Variants in ZNF48 observed in about 807,000 individuals in gnomAD.
The protein encoded by ZNF48 is zinc finger protein 553.
ZNF48 carries 20 observed loss-of-function variants against 40.0 expected under a neutral mutation model. The ratio of observed to expected loss-of-function variants is 0.50; its 90% CI spans 0.35 to 0.73. ZNF48 has a LOEUF of 0.73. ZNF48 is among the 30% of genes least tolerant of loss of function. The probability of loss-of-function intolerance (pLI) is 0.01; values close to 1 mark genes in which losing one functional copy is unlikely to be tolerated. For synonymous variants in ZNF48, 298 were observed against 329.7 expected (o/e 0.90, Z 1.04); for missense variants, 726 against 851.9 (o/e 0.85, Z 1.84).
intron 1 of ZNF48, among the ~76,000 whole-genome samples, chr16:30,384,085 C>A (rs1481241523): frequency 1.3e-5 from 2 of 151,988 alleles, no homozygotes; most frequent in Non-Finnish European, 2.9e-5. Context: ...CATGGTGGTG[C>A]GTACCTATAA....
rs370030561 is a variant in ZNF48 at position 30,381,919 on chromosome 16, G to A, written c.-16+3509G>A. The A allele has an allele frequency of 3.7e-6, 6 of 1,612,596 alleles. No individual in the cohort carries two copies. The highest frequency in any genetic ancestry group is 5.1e-6 in the Non-Finnish European group (6 of 1,179,298). ...GGGGAGAGGTCAGGGATCCGGGGAG[G>A]CTCTGAGGCAGAATTAATTTCCTTT... On this transcript the variant is annotated intron_variant, in intron 1 of 2. Transcript: ENST00000528032. The surrounding 1 kb of genome is among the most constrained non-coding windows in gnomAD (Gnocchi z 4.3).
chr16:30,392,527 C>G (rs773996178), upstream of ZNF48, among the ~76,000 whole-genome samples: 5 of 152,172 alleles, frequency 3.3e-5, no homozygotes, highest in Non-Finnish European at 5.9e-5. Flanking sequence ...ATTCAGCCCC[C>G]ACTCCAGGCA....
Position 30,395,921 on chromosome 16 carries a change from G to A in ZNF48, c.79+48G>A, listed in dbSNP as rs1194131130. On this transcript the variant is annotated intron_variant, in intron 2 of 2. Coordinates refer to ENST00000613509, the MANE Select transcript of ZNF48 (RefSeq NM_001214909.2). This position sits in a 1 kb window ranked among gnomAD's most constrained non-coding sequence, Gnocchi z 5.9. ...GCCACGGACAGGTAACGGCCGGTGG[G>A]GACTGCGATGCTTGGCTGTGGCCGG... is the stretch of plus-strand genomic sequence containing the variant. 1 of 1,452,478 alleles carries A rather than the reference G, an allele frequency of 6.9e-7. No individual in the cohort carries two copies. Among genetic ancestry groups the A allele is most frequent in the Non-Finnish European group, 9.2e-7 (1 of 1,092,588 alleles). The allele number at this position is 1,452,478 out of a possible 1,614,324, so 90.0% of individuals were successfully genotyped here. A position where few individuals can be genotyped will look rare whatever the true frequency, so the allele number is the denominator to read the frequency against.
intron 2 of ZNF48, chr16:30,396,084 C>G: frequency 2.2e-6 from 1 of 455,600 alleles, no homozygotes; most frequent in Non-Finnish European, 3.9e-6. Flanking sequence ...CTTCCTCATC[C>G]TTACTGCCTC....
Position 30,381,167 on chromosome 16 carries a change from TC to T in ZNF48, c.-16+2759del, listed in dbSNP as rs1567425118. The T allele has an allele frequency of 1.2e-6, 2 of 1,613,954 alleles. No homozygotes were observed. Among genetic ancestry groups the T allele is most frequent in the Non-Finnish European group, 1.7e-6 (2 of 1,180,006 alleles). ...CTGGGTTTCCTGGGGCATCAGAGCA[TC>T]CGCTTTGCCAATGACTGGGATGATG... On this transcript the variant is annotated intron_variant, in intron 1 of 2. Coordinates refer to the ZNF48 transcript ENST00000528032. The surrounding 1 kb of genome is among the most constrained non-coding windows in gnomAD (Gnocchi z 4.3).
chr16:30,385,968 A>T (rs768420146), intron 1 of ZNF48, among the ~76,000 whole-genome samples: 6 of 152,152 alleles, frequency 3.9e-5, no homozygotes, highest in Non-Finnish European at 8.8e-5. Flanking sequence ...TGTATTAAAA[A>T]AATAAATAAA....
At position 30,395,878 on chromosome 16, in the gene ZNF48, G is replaced by A; in HGVS notation, c.79+5G>A. On this transcript the variant is annotated splice_donor_5th_base_variant and intron_variant, in intron 2 of 2. Transcript: ENST00000613509. The surrounding 1 kb of genome is among the most constrained non-coding windows in gnomAD (Gnocchi z 5.9). The stretch of plus-strand genomic sequence containing the variant: ...CACAGAGAGGCGCCCGCACAGGTGA[G>A]GGCCTCGGCCGTGCGCCGCCACGGA... The A allele has an allele frequency of 6.5e-7, 1 of 1,527,942 alleles. No individual in the cohort carries two copies. Among genetic ancestry groups the A allele is most frequent in the Non-Finnish European group, 8.8e-7 (1 of 1,140,332 alleles). 94.6% of individuals were successfully genotyped at this position (1,527,942 alleles called of 1,614,324 possible). A position where few individuals can be genotyped will look rare whatever the true frequency, so the allele number is the denominator to read the frequency against.
intron 1 of ZNF48, among the ~76,000 whole-genome samples, chr16:30,389,830 T>G (rs934987622): frequency 3.7e-5 from 4 of 107,684 alleles, no homozygotes; most frequent in African/African-American, 9.3e-5. Flanking sequence ...TTTTTTTTTT[T>G]TTTTTTTTTT....
In ZNF48 at chr16:30,395,984, G is replaced by A; in HGVS notation, c.79+111G>A. 8.9e-7 allele frequency: 1 copy of A among 1,125,864 alleles called. No homozygotes were observed. The highest frequency in any genetic ancestry group is 1.2e-6 in the Non-Finnish European group (1 of 849,466). The allele number at this position is 1,125,864 out of a possible 1,614,324, so 69.7% of individuals were successfully genotyped here. A position where few individuals can be genotyped will look rare whatever the true frequency, so the allele number is the denominator to read the frequency against. ...AAGATCGGACGTGAGCTGTGCCTCT[G>A]GGGAGATAGGGGGAGGGGAGCTTTC... is the stretch of plus-strand genomic sequence containing the variant. On this transcript the variant is annotated intron_variant, in intron 2 of 2. Coordinates refer to ENST00000613509, the MANE Select transcript of ZNF48 (RefSeq NM_001214909.2). This position sits in a 1 kb window ranked among gnomAD's most constrained non-coding sequence, Gnocchi z 5.9.
intron 1 of ZNF48, among the ~76,000 whole-genome samples, chr16:30,388,648 G>A (rs1272145916): frequency 2.6e-5 from 4 of 152,100 alleles, no homozygotes; most frequent in Non-Finnish European, 4.4e-5. Context: ...CAGCACTTTG[G>A]GAGATCAACG....
intron 1 of ZNF48, chr16:30,378,671 A>G (rs1395632305): frequency 1.2e-6 from 2 of 1,609,092 alleles, no homozygotes; most frequent in Non-Finnish European, 1.7e-6. Flanking sequence ...GGGCAGCGGG[A>G]TCTCTGTGGC....
chr16:30,383,983 G>A (rs1474547132), intron 1 of ZNF48, among the ~76,000 whole-genome samples: 2 of 152,158 alleles, frequency 1.3e-5, no homozygotes, highest in Non-Finnish European at 2.9e-5. Context: ...TTGGGAGGCC[G>A]AGGCGGGTGG....
At chr16:30,390,870 C>A (rs554892068), upstream of ZNF48, among the ~76,000 whole-genome samples, 38 of 151,900 alleles carry the variant, frequency 2.5e-4, no homozygotes, top group African/African-American at 7.5e-4. Context: ...GTGATCTGCC[C>A]ACCTCAGCCT....
At chr16:30,378,405 G>A in exon 1 of ZNF48, 2 of 1,538,092 alleles carry the variant, frequency 1.3e-6, no homozygotes, top group South Asian at 1.2e-5. Context: ...TGAAGGCGGA[G>A]CCGAGGTAAG....
At chr16:30,387,707 T>A (rs1406717400) in intron 1 of ZNF48, among the ~76,000 whole-genome samples, 1 of 148,944 alleles carries the variant, frequency 6.7e-6, no homozygotes, top group Non-Finnish European at 1.5e-5. Context: ...TACAGATGCC[T>A]GCCATCATAC....
At chr16:30,386,824 C>T (rs1408651999) in intron 1 of ZNF48, among the ~76,000 whole-genome samples, 1 of 151,590 alleles carries the variant, frequency 6.6e-6, no homozygotes, top group African/African-American at 2.4e-5. Flanking sequence ...GCCACCACGC[C>T]CAGGTAATTT....
At position 30,382,798 on chromosome 16, in the gene ZNF48, G is replaced by A. The variant is rs2049869359; in HGVS notation, c.-16+4388G>A. On this transcript the variant is annotated intron_variant, in intron 1 of 2. Transcript: ENST00000528032. This position sits in a 1 kb window ranked among gnomAD's most constrained non-coding sequence, Gnocchi z 4.8. ...CCCACTGTAGCTCCATCATCGTGGT[G>A]AGACATGGGGTATGTGCAGAGAGGA... 1 of 1,535,208 alleles carries A rather than the reference G, an allele frequency of 6.5e-7. No homozygotes were observed.
intron 1 of ZNF48, chr16:30,379,366 T>C (rs1841474798): frequency 3.4e-6 from 5 of 1,477,442 alleles, no homozygotes; most frequent in Non-Finnish European, 4.7e-6. Context: ...ACTTCACATG[T>C]TGAGTGCGCC....
upstream of ZNF48, chr16:30,395,269 G>A: frequency 2.2e-6 from 1 of 456,208 alleles, no homozygotes; most frequent in Non-Finnish European, 4.4e-6. This position sits in a 1 kb window ranked among gnomAD's most constrained non-coding sequence, Gnocchi z 5.9. Context: ...ACCGAGTTCG[G>A]GCCGCCGGCC....
Sources: gnomAD v4.1 joint callset for allele counts (sites outside exome capture counted in the v4.1 genomes callset) on GRCh38, gnomAD v4.1.1 for gene constraint, Gnocchi (gnomAD v3.1) non-coding constraint, MANE v1.5 for transcripts, NCBI Gene and HGNC (gene_info 2026-07-23, HGNC 2026-07-21) for gene names.